HKDC1: variants seen among roughly 807,000 people sequenced by gnomAD.
HKDC1 encodes the protein hexokinase domain containing 1, also known as hexokinase HKDC1.
Under a neutral mutation model 96.6 loss-of-function variants are expected in HKDC1, and 66 were observed. That is an observed-to-expected ratio of 0.68 (90% CI 0.56 to 0.84). The LOEUF (loss-of-function observed/expected upper bound fraction) is 0.84, where lower values mean the gene tolerates loss of function less well. HKDC1 is among the 40% of genes least tolerant of loss of function. The pLI is 0.00. For missense variants in HKDC1, 1,211 were observed against 1,208.1 expected (o/e 1.00, Z -0.04); for synonymous variants, 466 against 473.1 (o/e 0.98, Z 0.20).
At chr10:69,265,845 G>T (rs1447436760) in intron 17 of HKDC1, 27 bp downstream of exon 17, 4 of 1,535,392 alleles carry the variant, frequency 2.6e-6, no homozygotes, top group Non-Finnish European at 3.6e-6. Context: ...GGCGTGGCGG[G>T]TGGGGCTGGG....
At chr10:69,256,995 G>C in intron 12 of HKDC1, 41 bp from the exon 13 acceptor site, 2 of 1,503,730 alleles carry the variant, frequency 1.3e-6, no homozygotes, top group Middle Eastern at 3.4e-4. Context: ...AGTGGCCCTA[G>C]CAAACTATTG....
At chr10:69,245,100 C>T (rs1843520081) in intron 7 of HKDC1, among the ~76,000 whole-genome samples, 1 of 152,102 alleles carries the variant, frequency 6.6e-6, no homozygotes, top group African/African-American at 2.4e-5. Context: ...GACAGGGTTT[C>T]ACCATATTGG....
At chr10:69,244,546 T>A (rs1397377317) in intron 7 of HKDC1, among the ~76,000 whole-genome samples, 1 of 152,074 alleles carries the variant, frequency 6.6e-6, no homozygotes, top group East Asian at 1.9e-4. Flanking sequence ...CCAGGCCTGG[T>A]GGCTCATGCG....
chr10:69,264,195 TTCTGTG>T (rs1344553899), intron 16 of HKDC1, among the ~76,000 whole-genome samples: 85 of 112,388 alleles, frequency 7.6e-4, no homozygotes, highest in African/African-American at 2.6e-3. Flanking sequence ...ATAGATTTCC[TTCTGTG>T]TGTGTGTGTG....
chr10:69,244,805 AAC>A (rs1163461891), intron 7 of HKDC1, among the ~76,000 whole-genome samples: 1 of 152,154 alleles, frequency 6.6e-6, no homozygotes, highest in Non-Finnish European at 1.5e-5. Flanking sequence ...CAGCCTGGGC[AAC>A]AGAGCAAGAC....
intron 4 of HKDC1, 93 bp from the exon 5 acceptor site, chr10:69,238,949 C>A: frequency 2.6e-6 from 2 of 784,292 alleles, no homozygotes; most frequent in Non-Finnish European, 4.2e-6. Flanking sequence ...AAGAGAAGGC[C>A]ATGGGGGATG....
At chr10:69,221,354 G>T (rs983556271) in intron 1 of HKDC1, among the ~76,000 whole-genome samples, 1 of 152,090 alleles carries the variant, frequency 6.6e-6, no homozygotes, top group African/African-American at 2.4e-5. Flanking sequence ...TCATTCCAAA[G>T]TGGGCTGGTT....
At chr10:69,255,495 C>T (rs2132370857) in intron 12 of HKDC1, among the ~76,000 whole-genome samples, 1 of 152,310 alleles carries the variant, frequency 6.6e-6, no homozygotes, top group Non-Finnish European at 1.5e-5. Context: ...CAGAGCTTCT[C>T]CTGGCCTAGA....
rs749394532 is a variant in HKDC1 at position 69,257,349 on chromosome 10, C to T, written c.1955C>T (p.Ala652Val). Residue 652 changes from alanine (A) to valine (V), a missense_variant, in exon 14 of 18, where the codon GCA becomes GTA. By Grantham distance (64) the Ala-to-Val change is moderately conservative. Coordinates refer to ENST00000354624, the MANE Select transcript of HKDC1 (RefSeq NM_025130.4). ...TAGGAGTTTGACCTGGACATTGTTG[C>T]AGTCGTGAATGATACAGTGGGGACC... ...RRNEFDLDIV[A>V]VVNDTVGTMM... 2 of 1,613,652 alleles carry T rather than the reference C, an allele frequency of 1.2e-6. No homozygotes were observed. The highest frequency in any genetic ancestry group is 1.1e-5 in the South Asian group (1 of 91,068).
intron 5 of HKDC1, among the ~76,000 whole-genome samples, chr10:69,240,309 G>C (rs774821722): frequency 3.9e-5 from 6 of 152,018 alleles, no homozygotes; most frequent in Non-Finnish European, 8.8e-5. Context: ...GCAACATAGT[G>C]AGACCCTATC....
At chr10:69,253,407 A>T (rs10762270) in intron 12 of HKDC1, among the ~76,000 whole-genome samples, 32,487 of 152,210 alleles carry the variant, frequency 0.21, 4,435 homozygotes, top group Non-Finnish European at 0.3. Context: ...GGCCCAGATG[A>T]GGCCACACAG....
chr10:69,256,368 A>G (rs1219454082), intron 12 of HKDC1, among the ~76,000 whole-genome samples: 1 of 152,220 alleles, frequency 6.6e-6, no homozygotes, highest in East Asian at 1.9e-4. Flanking sequence ...AACATTTGGT[A>G]GCTTTGCCTT....
At chr10:69,226,461 A>G (rs1025100569) in intron 1 of HKDC1, among the ~76,000 whole-genome samples, 2 of 152,148 alleles carry the variant, frequency 1.3e-5, no homozygotes, top group Non-Finnish European at 2.9e-5. Flanking sequence ...AGCCTGGCCA[A>G]CATGGCGAAA....
rs1039928352 is a variant in HKDC1, at chr10:69,248,512, G to A, written c.1354G>A (p.Gly452Arg). 11 of 1,612,920 alleles carry A rather than the reference G, an allele frequency of 6.8e-6. No homozygotes were observed. Among genetic ancestry groups the A allele is most frequent in the Non-Finnish European group, 8.5e-6 (10 of 1,179,226 alleles). The stretch of plus-strand genomic sequence containing the variant: ...CCTGTCAGAGAGTGGCAGCACCAAG[G>A]GGGCCGCCATGGTGACCGCGGTGGC... ...FLLSESGSTK[G>R]AAMVTAVASR... The change falls in exon 10 of 18, where the codon GGG becomes AGG. Residue 452 changes from glycine (G) to arginine (R), a missense_variant. Physicochemically the swap from Gly to Arg is moderately radical, Grantham distance 125 (BLOSUM62 -2). Transcript: ENST00000354624.
At position 69,246,095 on chromosome 10, in the gene HKDC1, A is replaced by G. The variant is rs774637759; in HGVS notation, c.892A>G (p.Ser298Gly). 6.2e-7 allele frequency: 1 copy of G among 1,614,222 alleles called. No homozygotes were observed. Among genetic ancestry groups the G allele is most frequent in the Non-Finnish European group, 8.5e-7 (1 of 1,180,024 alleles). ...AACCTGCAGGTTCGAGAAGATGATC[A>G]GTGGCCTGTACCTGGGGGAGCTTGT... The part of the protein sequence containing the change: ...PGKQLFEKMI[S>G]GLYLGELVRL... The change falls in exon 8 of 18, where the codon AGT becomes GGT. Residue 298 changes from serine (S) to glycine (G), a missense_variant. By Grantham distance (56) the Ser-to-Gly change is moderately conservative. Transcript: ENST00000354624.
intron 8 of HKDC1, 62 bp from the exon 9 acceptor site, chr10:69,247,298 C>A (rs541245088): frequency 2.4e-5 from 27 of 1,113,888 alleles, no homozygotes; most frequent in Non-Finnish European, 8.2e-6. Context: ...GAAGCTTGTT[C>A]CCCCAGGAGG....
intron 12 of HKDC1, 31 bp downstream of exon 12, chr10:69,250,683 C>T (rs561184083): frequency 6.2e-7 from 1 of 1,609,954 alleles, no homozygotes; most frequent in South Asian, 1.1e-5. Flanking sequence ...TCACGGCCAG[C>T]CCAGTGGGCT....
chr10:69,229,401 G>A (rs4075240), intron 2 of HKDC1, among the ~76,000 whole-genome samples: 32,690 of 152,104 alleles, frequency 0.21, 4,155 homozygotes, highest in South Asian at 0.3. Context: ...GTTGAGCTTC[G>A]GAGAGAGACA....
At chr10:69,252,469 C>T (rs901509985) in intron 12 of HKDC1, among the ~76,000 whole-genome samples, 1 of 151,914 alleles carries the variant, frequency 6.6e-6, no homozygotes, top group South Asian at 2.1e-4. Context: ...CATGGTGAAA[C>T]CCCGTCTCTA....
Sources: allele counts gnomAD v4.1 joint callset (sites outside exome capture counted in the v4.1 genomes callset), GRCh38; gene constraint gnomAD v4.1.1; transcripts MANE v1.5; gene names NCBI Gene and HGNC (gene_info 2026-07-23, HGNC 2026-07-21).